The following EHBP1 variants were observed in gnomAD, a reference collection of about 807,000 sequenced individuals.
The protein encoded by EHBP1 is EH domain binding protein 1.
EHBP1 carries 55 observed loss-of-function variants against 144.0 expected under a neutral mutation model. The observed-to-expected ratio is 0.38, with a 90% CI of 0.31 to 0.48. The LOEUF (loss-of-function observed/expected upper bound fraction) is 0.48. EHBP1 is among the 20% of genes least tolerant of loss of function. The pLI, the probability that EHBP1 is intolerant of heterozygous loss-of-function variation, is 0.98. For missense variants in EHBP1, 1,200 were observed against 1,364.2 expected (o/e 0.88, Z 1.90); for synonymous variants, 469 against 472.7 (o/e 0.99, Z 0.10).
chr2:62,974,952 A>G (rs1359462275), intron 14 of EHBP1, among the ~76,000 whole-genome samples: 1 of 152,184 alleles, frequency 6.6e-6, no homozygotes, highest in Non-Finnish European at 1.5e-5. Context: ...ATTATGCTCT[A>G]CAAATTCTGT....
intron 5 of EHBP1, among the ~76,000 whole-genome samples, chr2:62,808,851 C>A (rs1026422960): frequency 1.3e-5 from 2 of 152,128 alleles, no homozygotes; most frequent in Non-Finnish European, 2.9e-5. Context: ...GTAAGTGTTT[C>A]TCAATATTTT....
chr2:62,839,275 T>G (rs1298789160), intron 7 of EHBP1, among the ~76,000 whole-genome samples: 3 of 151,820 alleles, frequency 2.0e-5, no homozygotes, highest in Admixed American at 6.6e-5. Context: ...GAAAAAGCCT[T>G]TGACAAAATT....
At chr2:62,961,748 A>G (rs2153136799) in intron 14 of EHBP1, among the ~76,000 whole-genome samples, 1 of 152,310 alleles carries the variant, frequency 6.6e-6, no homozygotes, top group Admixed American at 6.5e-5. Context: ...CCAGATATGT[A>G]CAAATAGAAT....
At chr2:62,774,382 A>G (rs1048077653) in intron 5 of EHBP1, among the ~76,000 whole-genome samples, 1 of 151,908 alleles carries the variant, frequency 6.6e-6, no homozygotes, top group Non-Finnish European at 1.5e-5. Context: ...AAAAGAAAAA[A>G]AAAAAAAAGA....
chr2:62,850,237 C>G (rs1002751053), intron 7 of EHBP1, among the ~76,000 whole-genome samples: 1 of 152,050 alleles, frequency 6.6e-6, no homozygotes, highest in Admixed American at 6.5e-5. Context: ...ACCTGAATCT[C>G]GTTATAATTT....
At chr2:62,906,503 A>T (rs759848078) in intron 10 of EHBP1, among the ~76,000 whole-genome samples, 1 of 152,238 alleles carries the variant, frequency 6.6e-6, no homozygotes, top group Non-Finnish European at 1.5e-5. Flanking sequence ...TGTATAGTAT[A>T]CAAGTATTAC....
At chr2:62,711,938 CA>C (rs2151843817) in intron 2 of EHBP1, among the ~76,000 whole-genome samples, 1 of 152,200 alleles carries the variant, frequency 6.6e-6, no homozygotes, top group East Asian at 1.9e-4. Context: ...GAAGTGATTA[CA>C]GTGAGTATGA....
intron 1 of EHBP1, among the ~76,000 whole-genome samples, chr2:62,695,204 T>A (rs1016603490): frequency 6.6e-6 from 1 of 151,910 alleles, no homozygotes; most frequent in Non-Finnish European, 1.5e-5. Context: ...ACCAAAAAAA[T>A]ACAAAAATTA....
At chr2:62,709,862 C>A (rs2034969666) in intron 2 of EHBP1, among the ~76,000 whole-genome samples, 1 of 152,060 alleles carries the variant, frequency 6.6e-6, no homozygotes, top group Admixed American at 6.6e-5. Flanking sequence ...GAACTTAGAT[C>A]AGGAACAAAA....
upstream of EHBP1, among the ~76,000 whole-genome samples, chr2:62,701,545 A>C (rs1318069995): frequency 6.6e-6 from 1 of 152,166 alleles, no homozygotes; most frequent in Non-Finnish European, 1.5e-5. Context: ...GTTTTTCTAC[A>C]TTCTGTTATA....
At chr2:62,940,284 CT>C in intron 10 of EHBP1, 1 of 247,258 alleles carries the variant, frequency 4.0e-6, no homozygotes, top group Non-Finnish European at 8.3e-6. Flanking sequence ...ATTGCAGATG[CT>C]TAGGTCAGCT....
In EHBP1 at chr2:62,714,465, G is replaced by C. The variant is rs1317597089; in HGVS notation, c.104+7170G>C. ...TAGAACAGCTTCTGAAAACATTGAG[G>C]TCTGTGTCTGTGTAAAATACATATT... On this transcript the variant is annotated intron_variant, in intron 2 of 22. Transcript: ENST00000431489. Among the ~76,000 whole-genome samples the C allele has an allele frequency of 2.0e-5, 3 of 152,118 alleles. No homozygotes were observed. In the East Asian group the frequency reaches 5.8e-4, roughly 29 times the overall value.
chr2:62,774,843 T>C (rs1420960295), intron 5 of EHBP1, among the ~76,000 whole-genome samples: 2 of 152,044 alleles, frequency 1.3e-5, no homozygotes, highest in Non-Finnish European at 2.9e-5. Flanking sequence ...AAACCCTGTC[T>C]CAAACAAAAC....
At chr2:62,960,469 A>G (rs896125151) in intron 14 of EHBP1, among the ~76,000 whole-genome samples, 6 of 152,098 alleles carry the variant, frequency 3.9e-5, no homozygotes, top group African/African-American at 4.8e-5. Flanking sequence ...TCTCTTTCCT[A>G]TATCTTTTGC....
Position 62,706,958 on chromosome 2 carries a change from C to G in EHBP1, c.-234C>G. ...CATGGTGATGTCTCCATGAGGGAAC[C>G]CCTTCCCACTCATCCTGTCACGTAT... On this transcript the variant is annotated 5_prime_UTR_variant, in exon 2 of 23. Coordinates refer to ENST00000431489, the MANE Select transcript of EHBP1 (RefSeq NM_001142616.3). 2.1e-6 allele frequency: 1 copy of G among 469,500 alleles called. No homozygotes were observed. Among genetic ancestry groups the G allele is most frequent in the Non-Finnish European group, 3.9e-6 (1 of 256,952 alleles). 29.1% of individuals were successfully genotyped at this position (469,500 alleles called of 1,614,324 possible). A position where few individuals can be genotyped will look rare whatever the true frequency, so the allele number is the denominator to read the frequency against.
chr2:62,904,159 G>A (rs1386507436), intron 10 of EHBP1, among the ~76,000 whole-genome samples: 1 of 152,188 alleles, frequency 6.6e-6, no homozygotes. Flanking sequence ...TGGAACTTTA[G>A]AGAAAGGAAA....
chr2:62,925,040 C>G (rs924550472), intron 10 of EHBP1, among the ~76,000 whole-genome samples: 2 of 152,100 alleles, frequency 1.3e-5, no homozygotes, highest in African/African-American at 4.8e-5. Flanking sequence ...CCCAAAAATG[C>G]AAGAATGGTT....
At chr2:62,939,431 G>A (rs1037095837) in intron 10 of EHBP1, among the ~76,000 whole-genome samples, 27 of 152,064 alleles carry the variant, frequency 1.8e-4, no homozygotes, top group Admixed American at 5.9e-4. Flanking sequence ...GCATCACCAT[G>A]CCCAGCTATT....
chr2:62,856,179 G>A (rs1015618248), intron 7 of EHBP1, among the ~76,000 whole-genome samples: 9 of 152,210 alleles, frequency 5.9e-5, no homozygotes, highest in Non-Finnish European at 8.8e-5. Flanking sequence ...GAATGGCAGG[G>A]TTAGGAGAAC....
Sources: allele counts gnomAD v4.1 joint callset (sites outside exome capture counted in the v4.1 genomes callset), GRCh38; gene constraint gnomAD v4.1.1; transcripts MANE v1.5; gene names NCBI Gene and HGNC (gene_info 2026-07-23, HGNC 2026-07-21).